CIPC: variants seen among roughly 807,000 people sequenced by gnomAD.
CIPC encodes CLOCK-interacting pacemaker.
Under a neutral mutation model 26.7 loss-of-function variants are expected in CIPC, and 12 were observed. That is an observed-to-expected ratio of 0.45 (90% CI 0.29 to 0.73). The LOEUF is 0.73. CIPC is among the 30% of genes least tolerant of loss of function. CIPC has a pLI of 0.12. For missense variants in CIPC, 417 were observed against 486.5 expected (o/e 0.86, Z 1.34); for synonymous variants, 170 against 189.8 (o/e 0.90, Z 0.86).
chr14:77,099,633 A>T (rs543228134), intron 1 of CIPC, among the ~76,000 whole-genome samples: 2 of 152,210 alleles, frequency 1.3e-5, no homozygotes, highest in African/African-American at 4.8e-5. Flanking sequence ...CCAGGCACAC[A>T]TGTTATACAC....
intron 1 of CIPC, among the ~76,000 whole-genome samples, chr14:77,103,441 G>C (rs972371104): frequency 1.3e-5 from 2 of 152,156 alleles, no homozygotes; most frequent in African/African-American, 2.4e-5. Context: ...ATAGAGTCAG[G>C]AGTGCATCGT....
At chr14:77,100,817 C>T (rs1219310053) in intron 1 of CIPC, among the ~76,000 whole-genome samples, 1 of 152,318 alleles carries the variant, frequency 6.6e-6, no homozygotes, top group Admixed American at 6.5e-5. Context: ...GATCCATCCA[C>T]CTCTGCCTCC....
rs147337363 is a variant in CIPC at position 77,114,260 on chromosome 14, C to G, written c.1142C>G (p.Pro381Arg). 168 of 1,613,934 alleles carry G rather than the reference C, an allele frequency of 1.0e-4. 1 individual carries two copies. Among genetic ancestry groups the G allele is most frequent in the Admixed American group, 1.8e-4 (11 of 59,982 alleles). Residue 381 changes from proline (P) to arginine (R), a missense_variant, in exon 4 of 4, where the codon CCT becomes CGT. Coordinates refer to ENST00000361786, the MANE Select transcript of CIPC (RefSeq NM_033426.3). Reference protein sequence around the residue: ...AWAKLQASLTPGSSNTGSDLE... With the variant: ...AWAKLQASLTRGSSNTGSDLE... ...GCCAAGCTGCAGGCATCTTTAACAC[C>G]TGGGTCCAGTAATACAGGCAGTGAC... is the stretch of plus-strand genomic sequence containing the variant.
chr14:77,108,248 A>G (rs1239658164), intron 2 of CIPC, among the ~76,000 whole-genome samples: 4 of 152,224 alleles, frequency 2.6e-5, no homozygotes, highest in Admixed American at 2.6e-4. Flanking sequence ...TTTCTTTACC[A>G]TTAAAGTACC....
chr14:77,114,046 C>T lies in CIPC; in HGVS notation c.928C>T (p.Arg310Trp), dbSNP rs748977230. Reference sequence around the variant, plus strand: ...CAGCCCAGATATCTTTTCAGAGCAGCGGCAGAGCAAACATAGGCGCTTTCA... The same window carrying T: ...CAGCCCAGATATCTTTTCAGAGCAGTGGCAGAGCAAACATAGGCGCTTTCA... ...CRSPDIFSEQ[R>W]QSKHRRFQNT... Residue 310 changes from arginine (R) to tryptophan (W), a missense_variant, in exon 4 of 4, where the codon CGG becomes TGG. Arg to Trp is a moderately radical substitution (Grantham distance 101, BLOSUM62 -3). Transcript: ENST00000361786. 28 of 1,614,078 alleles carry T rather than the reference C, an allele frequency of 1.7e-5. No individual in the cohort carries two copies. Among genetic ancestry groups the T allele is most frequent in the South Asian group, 2.2e-5 (2 of 91,082 alleles).
intron 1 of CIPC, among the ~76,000 whole-genome samples, chr14:77,104,168 T>C (rs1886546121): frequency 1.3e-5 from 2 of 152,042 alleles, no homozygotes. Context: ...GGTGGAAGGA[T>C]TGTTTGAGCC....
intron 3 of CIPC, among the ~76,000 whole-genome samples, chr14:77,111,804 A>G (rs1886707086): frequency 6.6e-6 from 1 of 152,220 alleles, no homozygotes; most frequent in Non-Finnish European, 1.5e-5. Flanking sequence ...ATCATGGGAA[A>G]ACAATGCATT....
intron 2 of CIPC, among the ~76,000 whole-genome samples, chr14:77,109,467 G>T (rs185066825): frequency 6.6e-6 from 1 of 152,198 alleles, no homozygotes; most frequent in Non-Finnish European, 1.5e-5. Flanking sequence ...ATAGATTCTC[G>T]AAAGTAATAA....
Position 77,115,845 on chromosome 14 carries a change from C to G in CIPC, c.*1527C>G, listed in dbSNP as rs1886802361. The G allele has an allele frequency of 6.6e-6, 1 of 151,990 alleles. No homozygotes were observed. The highest frequency in any genetic ancestry group is 6.6e-5 in the Admixed American group (1 of 15,246). 9.4% of individuals were successfully genotyped at this position (151,990 alleles called of 1,614,324 possible). A position where few individuals can be genotyped will look rare whatever the true frequency, so the allele number is the denominator to read the frequency against. On this transcript the variant is annotated 3_prime_UTR_variant, in exon 4 of 4. Coordinates refer to ENST00000361786, the MANE Select transcript of CIPC (RefSeq NM_033426.3). ...GGATTACAGGTGCCTGCCACCATGC[C>G]CAGCTAATTTTTGTATTTTTAGTAG...
At chr14:77,108,917 G>A (rs1229900273) in intron 2 of CIPC, among the ~76,000 whole-genome samples, 6 of 152,016 alleles carry the variant, frequency 3.9e-5, no homozygotes. Flanking sequence ...TAGCTCTTGT[G>A]TCTCGTTGAC....
At chr14:77,108,494 C>T (rs1886634973) in intron 2 of CIPC, among the ~76,000 whole-genome samples, 1 of 152,030 alleles carries the variant, frequency 6.6e-6, no homozygotes, top group East Asian at 1.9e-4. Flanking sequence ...GAATTCGAGA[C>T]CAGCCTGACC....
Position 77,113,646 on chromosome 14 carries a change from A to G in CIPC, c.528A>G (p.Pro176=), listed in dbSNP as rs764433232. ...GCAAAAGGGGCCTTTCCCTTGGCCC[A>G]GAAGAAAAAGGAACAAGTGGAGTGC... ...HPGKRGLSLG[P]EEKGTSGVQK... is the part of the protein sequence containing the mutation. Residue 176 remains proline, a synonymous_variant, in exon 4 of 4, where the codon CCA becomes CCG. Coordinates refer to ENST00000361786, the MANE Select transcript of CIPC (RefSeq NM_033426.3). 12 of 1,614,044 alleles carry G rather than the reference A, an allele frequency of 7.4e-6. No homozygotes were observed. In the South Asian group the frequency reaches 1.3e-4, roughly 18 times the overall value.
intron 3 of CIPC, among the ~76,000 whole-genome samples, chr14:77,111,641 TC>T (rs1328308185): frequency 6.6e-6 from 1 of 152,210 alleles, no homozygotes; most frequent in Non-Finnish European, 1.5e-5. Context: ...GATTCTGAGA[TC>T]CTGTCCAAGT....
intron 1 of CIPC, chr14:77,099,901 T>G (rs1345154809): frequency 1.3e-5 from 2 of 152,100 alleles, no homozygotes; most frequent in African/African-American, 4.8e-5. Flanking sequence ...GACGTGGAGG[T>G]TAGATCTTAA....
chr14:77,113,740 G>A lies in CIPC; in HGVS notation c.622G>A (p.Val208Ile). Reference sequence around the variant, plus strand: ...CAGTGAGCCAACCAAGGCTGGTGCTGTCCCATCCAGTCCCTCGACGCCAGC... The same window carrying A: ...CAGTGAGCCAACCAAGGCTGGTGCTATCCCATCCAGTCCCTCGACGCCAGC... ...SSSEPTKAGA[V>I]PSSPSTPAPP... The change falls in exon 4 of 4, where the codon GTC (valine) becomes ATC (isoleucine). Residue 208 changes from valine to isoleucine, a missense_variant. By Grantham distance (29) the Val-to-Ile change is conservative (BLOSUM62 3). Transcript: ENST00000361786. The A allele has an allele frequency of 2.5e-6, 4 of 1,612,628 alleles. No homozygotes were observed. Among genetic ancestry groups the A allele is most frequent in the Non-Finnish European group, 2.5e-6 (3 of 1,179,054 alleles).
At position 77,114,622 on chromosome 14, in the gene CIPC, C is replaced by A; in HGVS notation, c.*304C>A. 3.4e-6 allele frequency: 1 copy of A among 297,720 alleles called. No individual in the cohort carries two copies. The highest frequency in any genetic ancestry group is 2.1e-5 in the African/African-American group (1 of 47,166). The allele number at this position is 297,720 out of a possible 1,614,324, so 18.4% of individuals were successfully genotyped here. On this transcript the variant is annotated 3_prime_UTR_variant, in exon 4 of 4. Transcript: ENST00000361786. ...CAGGAGATGATTGTGTGGGGCTCTT[C>A]CTGCTGTCACCTCCCATCATCCCAC...
chr14:77,104,505 GTATTGCCTGTC>G (rs1470080095), intron 1 of CIPC, among the ~76,000 whole-genome samples: 3 of 152,190 alleles, frequency 2.0e-5, no homozygotes, highest in Non-Finnish European at 2.9e-5. Flanking sequence ...GGATTCCAAG[GTATTGCCTGTC>G]TGTTCCCTGA....
In CIPC at chr14:77,114,375, C is replaced by G. The variant is rs78114962; in HGVS notation, c.*57C>G. 5.5e-3 allele frequency: 8,135 copies of G among 1,488,068 alleles called. 365 individuals are homozygous for G. In the African/African-American group the frequency reaches 0.098, roughly 18 times the overall value. The allele number at this position is 1,488,068 out of a possible 1,614,324, so 92.2% of individuals were successfully genotyped here. A position where few individuals can be genotyped will look rare whatever the true frequency, so the allele number is the denominator to read the frequency against. On this transcript the variant is annotated 3_prime_UTR_variant, in exon 4 of 4. Coordinates refer to ENST00000361786, the MANE Select transcript of CIPC (RefSeq NM_033426.3). ...GTTCTTTTAGCTCATTTGCTGTTAC[C>G]TACTCCTGTTTCCCAAAGCTTATGT...
chr14:77,109,245 G>A (rs1314387260), intron 2 of CIPC, among the ~76,000 whole-genome samples: 1 of 152,112 alleles, frequency 6.6e-6, no homozygotes, highest in Non-Finnish European at 1.5e-5. Context: ...CAACATTTAT[G>A]GTTTTTTAAA....
Sources: allele counts gnomAD v4.1 joint callset (sites outside exome capture counted in the v4.1 genomes callset), GRCh38; gene constraint gnomAD v4.1.1; transcripts MANE v1.5; gene names NCBI Gene and HGNC (gene_info 2026-07-23, HGNC 2026-07-21).